The following CCDC30 variants were observed in gnomAD, a reference collection of about 807,000 sequenced individuals.
The protein encoded by CCDC30 is coiled-coil domain containing 30, also known as coiled-coil domain-containing protein 30.
CCDC30 carries 70 observed loss-of-function variants against 100.2 expected under a neutral mutation model. The observed-to-expected ratio is 0.70, with a 90% CI of 0.58 to 0.85. The LOEUF (loss-of-function observed/expected upper bound fraction) is 0.85, where lower values mean the gene tolerates loss of function less well. Ranked by LOEUF, CCDC30 falls within the 40% of genes least tolerant of loss-of-function variation. The pLI, the probability that CCDC30 is intolerant of heterozygous loss-of-function variation, is 0.00. For missense variants in CCDC30, 652 were observed against 771.2 expected (o/e 0.85, Z 1.83); for synonymous variants, 233 against 269.5 (o/e 0.86, Z 1.33).
At chr1:42,538,146 C>A (rs560082679) in intron 6 of CCDC30, among the ~76,000 whole-genome samples, 26 of 67,290 alleles carry the variant, frequency 3.9e-4, no homozygotes, top group African/African-American at 1.6e-3. Flanking sequence ...GACACTGTCT[C>A]CACAAAAAAA....
intron 3 of CCDC30, among the ~76,000 whole-genome samples, chr1:42,484,917 T>C (rs1644025385): frequency 6.6e-6 from 1 of 152,146 alleles, no homozygotes; most frequent in Admixed American, 6.5e-5. Flanking sequence ...TTTAAGAGAC[T>C]TATTAACCAA....
At chr1:42,591,992 C>G (rs939105237) in intron 10 of CCDC30, 1 of 152,234 alleles carries the variant, frequency 6.6e-6, no homozygotes, top group East Asian at 1.9e-4. Context: ...TTGACTCTTT[C>G]TTTTGGCTAA....
intron 6 of CCDC30, among the ~76,000 whole-genome samples, chr1:42,554,765 A>G (rs946821615): frequency 2.6e-5 from 4 of 152,028 alleles, no homozygotes; most frequent in African/African-American, 9.7e-5. Context: ...TTGAAGGTGC[A>G]TTCCCTCCTC....
At chr1:42,530,275 C>T (rs566029573) in intron 6 of CCDC30, among the ~76,000 whole-genome samples, 59 of 152,264 alleles carry the variant, frequency 3.9e-4, no homozygotes, top group Non-Finnish European at 6.0e-4. Context: ...AAGTACAGTA[C>T]AATAAGATAT....
intron 6 of CCDC30, among the ~76,000 whole-genome samples, chr1:42,542,165 A>G (rs1378948290): frequency 2.0e-5 from 3 of 152,234 alleles, no homozygotes; most frequent in Non-Finnish European, 4.4e-5. Context: ...GTCCTGTTCC[A>G]CAATAGCCAT....
exon 7 of CCDC30, chr1:42,566,368 C>T (rs146340557): frequency 1.1e-5 from 18 of 1,613,658 alleles, no homozygotes; most frequent in Admixed American, 5.0e-5. Flanking sequence ...GAATTTGCAC[C>T]GGCTCCAGAT....
chr1:42,642,590 A>G (rs770563958), exon 13 of CCDC30: 77 of 1,598,706 alleles, frequency 4.8e-5, no homozygotes, highest in Non-Finnish European at 6.1e-5. Context: ...CAAATGGACG[A>G]TATCTTCCAT....
intron 6 of CCDC30, chr1:42,556,228 G>A: frequency 6.2e-7 from 1 of 1,614,106 alleles, no homozygotes; most frequent in Middle Eastern, 1.7e-4. Flanking sequence ...TTCCAAGAGA[G>A]GGGCAGAAGG....
intron 10 of CCDC30, among the ~76,000 whole-genome samples, chr1:42,609,350 T>C (rs1646571165): frequency 6.6e-6 from 1 of 152,214 alleles, no homozygotes; most frequent in South Asian, 2.1e-4. Flanking sequence ...ATGATACACA[T>C]ACAAAATATG....
At chr1:42,541,729 G>A (rs1645015772) in intron 6 of CCDC30, among the ~76,000 whole-genome samples, 1 of 152,134 alleles carries the variant, frequency 6.6e-6, no homozygotes, top group Admixed American at 6.5e-5. Context: ...AAAAGTTTCT[G>A]TTTTGAATCT....
At chr1:42,482,957 T>C in intron 3 of CCDC30, 141 bp downstream of exon 3, 1 of 575,776 alleles carries the variant, frequency 1.7e-6, no homozygotes, top group Non-Finnish European at 2.6e-6. Flanking sequence ...ACAGCCTCAT[T>C]TTCTACCATG....
chr1:42,456,742 C>T, the CCDC30 span: 1 of 1,611,184 alleles, frequency 6.2e-7, no homozygotes, highest in Admixed American at 1.7e-5. Context: ...TCCTGGACAA[C>T]TTCAGCAGCG....
intron 3 of CCDC30, among the ~76,000 whole-genome samples, chr1:42,488,203 A>T (rs1644082118): frequency 6.6e-6 from 1 of 152,154 alleles, no homozygotes; most frequent in Admixed American, 6.6e-5. Context: ...TTAGAAATAG[A>T]CTAAGAAAGT....
intron 4 of CCDC30, among the ~76,000 whole-genome samples, chr1:42,493,040 A>G (rs1018519171): frequency 3.3e-5 from 5 of 152,180 alleles, no homozygotes; most frequent in Admixed American, 6.6e-5. Context: ...AAATGCAACA[A>G]TATCATCATT....
At chr1:42,619,784 G>A (rs2148655633) in intron 11 of CCDC30, among the ~76,000 whole-genome samples, 1 of 152,276 alleles carries the variant, frequency 6.6e-6, no homozygotes, top group Non-Finnish European at 1.5e-5. Context: ...CTCTATAGAT[G>A]CAAATCCCCG....
At chr1:42,558,593 C>T (rs1204497186) in intron 6 of CCDC30, among the ~76,000 whole-genome samples, 1 of 152,184 alleles carries the variant, frequency 6.6e-6, no homozygotes, top group African/African-American at 2.4e-5. Context: ...TTTCCAGGAT[C>T]ACCCATTGAT....
intron 10 of CCDC30, among the ~76,000 whole-genome samples, chr1:42,601,282 A>G (rs1320513204): frequency 6.6e-6 from 1 of 152,232 alleles, no homozygotes; most frequent in Non-Finnish European, 1.5e-5. Flanking sequence ...GAATGCATAT[A>G]TTAGAAGAGA....
chr1:42,653,448 G>C lies in CCDC30; in HGVS notation c.1922+5G>C. On this transcript the variant is annotated splice_donor_5th_base_variant and intron_variant, in intron 16 of 16. Coordinates refer to ENST00000668663, the Ensembl canonical transcript of CCDC30. Reference sequence around the variant, plus strand: ...ATTGCCTTTATCAAACTCCAGGTTAGTAAAGTCAAGACAAATAAAGTCAAG... The same window carrying C: ...ATTGCCTTTATCAAACTCCAGGTTACTAAAGTCAAGACAAATAAAGTCAAG... 1 of 1,572,704 alleles carries C rather than the reference G, an allele frequency of 6.4e-7. No homozygotes were observed. Among genetic ancestry groups the C allele is most frequent in the Middle Eastern group, 1.7e-4 (1 of 5,982 alleles).
At chr1:42,535,746 A>C in intron 6 of CCDC30, among the ~76,000 whole-genome samples, 1 of 132,686 alleles carries the variant, frequency 7.5e-6, no homozygotes. Context: ...AAAAATAAAC[A>C]ATGGAGAGGG....
Sources: allele counts gnomAD v4.1 joint callset (sites outside exome capture counted in the v4.1 genomes callset), GRCh38; gene constraint gnomAD v4.1.1; transcripts MANE v1.5; gene names NCBI Gene and HGNC (gene_info 2026-07-23, HGNC 2026-07-21).